NR5A2: variants seen among roughly 807,000 people sequenced by gnomAD.
NR5A2 encodes the protein nuclear receptor subfamily 5 group A member 2.
NR5A2 carries 26 observed loss-of-function variants against 62.7 expected under a neutral mutation model. The ratio of observed to expected loss-of-function variants is 0.41; its 90% CI spans 0.30 to 0.58. NR5A2 has a LOEUF of 0.58. NR5A2 is among the 20% of genes least tolerant of loss of function. NR5A2 has a pLI of 0.22. For missense variants in NR5A2, 541 were observed against 669.1 expected, an observed-to-expected ratio of 0.81 and a Z score of 2.11; for synonymous variants, 246 against 241.7, an observed-to-expected ratio of 1.02 and a Z score of -0.16.
At chr1:200,115,227 C>T (rs1209552979) in intron 6 of NR5A2, among the ~76,000 whole-genome samples, 1 of 152,150 alleles carries the variant, frequency 6.6e-6, no homozygotes, top group African/African-American at 2.4e-5. Flanking sequence ...AATGCCACCA[C>T]TTGAATCAAC....
intron 7 of NR5A2, among the ~76,000 whole-genome samples, chr1:200,154,403 G>A (rs535495031): frequency 6.6e-6 from 1 of 152,342 alleles, no homozygotes; most frequent in Admixed American, 6.5e-5. Context: ...GAGGGAACCT[G>A]TGGCTGTGCA....
chr1:200,170,160 C>T (rs1300202292), intron 7 of NR5A2, among the ~76,000 whole-genome samples: 1 of 152,038 alleles, frequency 6.6e-6, no homozygotes, highest in African/African-American at 2.4e-5. Flanking sequence ...GAGACTCCTG[C>T]TATAGATGAG....
intron 7 of NR5A2, among the ~76,000 whole-genome samples, chr1:200,126,246 C>T (rs1666695490): frequency 6.6e-6 from 1 of 152,138 alleles, no homozygotes; most frequent in South Asian, 2.1e-4. Context: ...CTACTTTAAA[C>T]TGTATAAGTC....
chr1:200,044,634 T>G (rs986596590), intron 3 of NR5A2: 7 of 152,082 alleles, frequency 4.6e-5, no homozygotes, highest in Non-Finnish European at 8.8e-5. Context: ...GAAAACTCAG[T>G]ACAATTACTT....
At chr1:200,162,929 CTAGTAAA>C (rs1321409972) in intron 7 of NR5A2, among the ~76,000 whole-genome samples, 2 of 152,130 alleles carry the variant, frequency 1.3e-5, no homozygotes, top group Admixed American at 6.5e-5. Flanking sequence ...GTAGAGACAT[CTAGTAAA>C]TAGTAAACAG....
chr1:200,152,979 A>G (rs777407950), intron 7 of NR5A2, among the ~76,000 whole-genome samples: 1 of 152,240 alleles, frequency 6.6e-6, no homozygotes, highest in Non-Finnish European at 1.5e-5. Context: ...CCAGCAAACC[A>G]GGTAGCAATG....
intron 1 of NR5A2, among the ~76,000 whole-genome samples, chr1:200,028,727 C>CCT (rs1382448872): frequency 0.029 from 4,449 of 152,254 alleles, 212 homozygotes; most frequent in African/African-American, 0.097. Flanking sequence ...CCTTTTCTGG[C>CCT]AGCATTTGCC....
chr1:200,159,553 A>G (rs1459943528), intron 7 of NR5A2, among the ~76,000 whole-genome samples: 1 of 152,178 alleles, frequency 6.6e-6, no homozygotes, highest in Non-Finnish European at 1.5e-5. Context: ...TGAGTAATAT[A>G]CATTATACCA....
At chr1:200,062,024 G>A (rs185810290) in intron 5 of NR5A2, among the ~76,000 whole-genome samples, 5 of 152,152 alleles carry the variant, frequency 3.3e-5, no homozygotes, top group Admixed American at 6.5e-5. Flanking sequence ...CAATGGTAAA[G>A]GCAATATGTA....
chr1:200,061,028 G>T (rs1337483002), intron 5 of NR5A2, among the ~76,000 whole-genome samples: 1 of 148,262 alleles, frequency 6.7e-6, no homozygotes, highest in Non-Finnish European at 1.5e-5. Context: ...GCTGAGGCAG[G>T]ATAATTGGTC....
chr1:200,124,551 C>T (rs1319283557), intron 7 of NR5A2, among the ~76,000 whole-genome samples: 1 of 152,192 alleles, frequency 6.6e-6, no homozygotes, highest in African/African-American at 2.4e-5. Context: ...TCTGTAGGCC[C>T]AATCTCTGTT....
At chr1:200,094,134 A>C (rs1571462185) in intron 5 of NR5A2, among the ~76,000 whole-genome samples, 1 of 151,752 alleles carries the variant, frequency 6.6e-6, no homozygotes. Context: ...ACGCCACTGC[A>C]CTCCAGCCTG....
At chr1:200,144,220 CTCT>C (rs1667574212) in intron 7 of NR5A2, among the ~76,000 whole-genome samples, 1 of 28,002 alleles carries the variant, frequency 3.6e-5, no homozygotes, top group African/African-American at 1.1e-4. Context: ...CTGTTTCTCT[CTCT>C]CTCTCTCTCT....
intron 5 of NR5A2, among the ~76,000 whole-genome samples, chr1:200,094,524 C>CTTTTTTTT (rs373809748): frequency 3.3e-5 from 2 of 59,812 alleles, no homozygotes; most frequent in Non-Finnish European, 5.7e-5. Context: ...TTAAATGCCA[C>CTTTTTTTT]TTTTTTTTTT....
intron 7 of NR5A2, among the ~76,000 whole-genome samples, chr1:200,148,511 C>G (rs1290996369): frequency 6.6e-6 from 1 of 152,214 alleles, no homozygotes; most frequent in African/African-American, 2.4e-5. Flanking sequence ...AATAATCTCA[C>G]AAACTCAGAC....
intron 5 of NR5A2, among the ~76,000 whole-genome samples, chr1:200,093,310 T>C (rs1664907876): frequency 6.6e-6 from 1 of 152,192 alleles, no homozygotes; most frequent in Non-Finnish European, 1.5e-5. Flanking sequence ...TATTGATGTA[T>C]ATATGTGGTC....
chr1:200,115,551 T>C (rs571653462), intron 6 of NR5A2, among the ~76,000 whole-genome samples: 20 of 152,286 alleles, frequency 1.3e-4, no homozygotes, highest in Non-Finnish European at 2.5e-4. Flanking sequence ...TTAAAACAAA[T>C]GCTTCTGATG....
chr1:200,058,332 G>A (rs1663021960), intron 5 of NR5A2: 1 of 152,096 alleles, frequency 6.6e-6, no homozygotes, highest in Non-Finnish European at 1.5e-5. Context: ...GATATTTAAA[G>A]TACTTTATAA....
intron 7 of NR5A2, among the ~76,000 whole-genome samples, chr1:200,149,916 C>G (rs1571560563): frequency 6.6e-6 from 1 of 152,290 alleles, no homozygotes; most frequent in East Asian, 1.9e-4. Context: ...CTTGAATCCC[C>G]TATGGCATTT....
Sources: gnomAD v4.1 joint callset for allele counts (sites outside exome capture counted in the v4.1 genomes callset) on GRCh38, gnomAD v4.1.1 for gene constraint, MANE v1.5 for transcripts, NCBI Gene and HGNC (gene_info 2026-07-23, HGNC 2026-07-21) for gene names.